The following ACCSL variants were observed in gnomAD, a reference collection of about 807,000 sequenced individuals.
The protein encoded by ACCSL is 1-aminocyclopropane-1-carboxylate synthase homolog (inactive) like, also known as probable inactive 1-aminocyclopropane-1-carboxylate synthase-like protein 2.
Under a neutral mutation model 61.7 loss-of-function variants are expected in ACCSL, and 55 were observed. The observed-to-expected ratio is 0.89, with a 90% CI of 0.72 to 1.12. The LOEUF is 1.12. Among genes scored for constraint, ACCSL ranks in the 50% most tolerant of loss-of-function variants. The probability of loss-of-function intolerance (pLI) is 0.00; values close to 1 mark genes in which losing one functional copy is unlikely to be tolerated. For synonymous variants in ACCSL, 258 were observed against 264.3 expected (o/e 0.98, Z 0.23); for missense variants, 632 against 698.0 (o/e 0.91, Z 1.07).
the ACCSL span, among the ~76,000 whole-genome samples, chr11:43,952,942 C>T: frequency 0.024 from 3,600 of 152,292 alleles, 148 homozygotes; most frequent in African/African-American, 0.083. Flanking sequence ...TCTGCCAGAG[C>T]GAGGTCCTCA....
At position 44,055,715 on chromosome 11, in the gene ACCSL, C is replaced by T. The variant is rs183221009; in HGVS notation, c.1140-325C>T. Among the ~76,000 whole-genome samples, 25 of 152,350 alleles carry T rather than the reference C, an allele frequency of 1.6e-4. No homozygotes were observed. The East Asian group carries it at 2.1e-3, about 13-fold the overall frequency. On this transcript the variant is annotated intron_variant, in intron 9 of 13. Coordinates refer to ENST00000378832, the MANE Select transcript of ACCSL (RefSeq NM_001031854.2). ...CAAAGGTGGAGCAGTAGGAAATACT[C>T]GGGCACGTTCTAGAAATTATGGTGA...
chr11:44,049,973 T>C, intron 1 of ACCSL, 89 bp from the exon 2 acceptor site: 1 of 1,557,396 alleles, frequency 6.4e-7, no homozygotes, highest in South Asian at 1.1e-5. Flanking sequence ...TCATAGGCAG[T>C]GAGATCTCCA....
intron 9 of ACCSL, 38 bp from the exon 10 acceptor site, chr11:44,056,002 C>T: frequency 6.2e-7 from 1 of 1,612,412 alleles, no homozygotes. Flanking sequence ...TCAACTATTT[C>T]TCTATAACCT....
intron 9 of ACCSL, among the ~76,000 whole-genome samples, 162 bp downstream of exon 9, chr11:44,055,453 T>G (rs1008740779): frequency 6.6e-6 from 1 of 152,244 alleles, no homozygotes; most frequent in African/African-American, 2.4e-5. Context: ...CCTCTAAATG[T>G]CTTCTAGTCT....
the ACCSL span, among the ~76,000 whole-genome samples, chr11:43,998,473 T>A: frequency 6.6e-6 from 1 of 152,164 alleles, no homozygotes; most frequent in African/African-American, 2.4e-5. Context: ...TTCTCCACAG[T>A]GGGCACAGCG....
the ACCSL span, among the ~76,000 whole-genome samples, chr11:43,961,798 C>T: frequency 1.3e-5 from 2 of 152,128 alleles, no homozygotes; most frequent in African/African-American, 2.4e-5. Flanking sequence ...AAGGCCGATT[C>T]ACACTTCAGC....
chr11:43,970,240 C>T, the ACCSL span, among the ~76,000 whole-genome samples: 1 of 152,278 alleles, frequency 6.6e-6, no homozygotes, highest in Non-Finnish European at 1.5e-5. Flanking sequence ...GGGTTTTGCT[C>T]TGTCTCTCAG....
At chr11:43,929,960 G>A in the ACCSL span, among the ~76,000 whole-genome samples, 2 of 152,238 alleles carry the variant, frequency 1.3e-5, no homozygotes, top group Non-Finnish European at 2.9e-5. Flanking sequence ...AGACTGAGGA[G>A]GAGGGTGGAA....
chr11:43,956,274 C>A, the ACCSL span, among the ~76,000 whole-genome samples: 1 of 152,046 alleles, frequency 6.6e-6, no homozygotes, highest in African/African-American at 2.4e-5. Flanking sequence ...TTGGTTTACA[C>A]CTCCACTTGC....
the ACCSL span, among the ~76,000 whole-genome samples, chr11:44,020,470 T>C: frequency 2.0e-5 from 3 of 152,222 alleles, no homozygotes; most frequent in Non-Finnish European, 4.4e-5. Flanking sequence ...TTTTCATAGA[T>C]GTCCTTTATT....
At chr11:43,983,048 T>G in the ACCSL span, among the ~76,000 whole-genome samples, 5 of 152,166 alleles carry the variant, frequency 3.3e-5, no homozygotes, top group Non-Finnish European at 5.9e-5. Context: ...GCTCTCTCTG[T>G]CTGGGGCACA....
the ACCSL span, among the ~76,000 whole-genome samples, chr11:44,009,399 G>A: frequency 6.6e-6 from 1 of 152,180 alleles, no homozygotes; most frequent in African/African-American, 2.4e-5. Flanking sequence ...AGAAGGATTA[G>A]CAGAGTTGGA....
chr11:44,053,165 G>GAATAA, intron 7 of ACCSL, 97 bp downstream of exon 7: 1 of 1,158,538 alleles, frequency 8.6e-7, no homozygotes, highest in Non-Finnish European at 1.3e-6. Flanking sequence ...AAGACCTGGT[G>GAATAA]GGCTGTCCTT....
the ACCSL span, among the ~76,000 whole-genome samples, chr11:44,010,990 T>C: frequency 6.6e-6 from 1 of 152,162 alleles, no homozygotes. Context: ...TCCAAATAAG[T>C]TAAAATATTG....
chr11:43,934,774 G>A, the ACCSL span, among the ~76,000 whole-genome samples: 1 of 152,116 alleles, frequency 6.6e-6, no homozygotes, highest in African/African-American at 2.4e-5. Flanking sequence ...CCCCAACCTG[G>A]TTCTTCCCAC....
At chr11:43,933,208 C>T in the ACCSL span, 405 of 455,728 alleles carry the variant, frequency 8.9e-4, 4 homozygotes, top group East Asian at 0.024. Context: ...GTAGGAGCAG[C>T]GAAACTTCTC....
the ACCSL span, among the ~76,000 whole-genome samples, chr11:43,956,814 A>G: frequency 6.6e-6 from 1 of 152,202 alleles, no homozygotes; most frequent in South Asian, 2.1e-4. Context: ...GCTTGAGGGC[A>G]TGCCTGGGAA....
the ACCSL span, among the ~76,000 whole-genome samples, chr11:43,994,291 G>C: frequency 2.0e-5 from 3 of 152,174 alleles, no homozygotes; most frequent in Non-Finnish European, 4.4e-5. Flanking sequence ...CTCACTGATA[G>C]TGCCACTGGA....
At chr11:44,012,592 T>G in the ACCSL span, among the ~76,000 whole-genome samples, 1 of 152,170 alleles carries the variant, frequency 6.6e-6, no homozygotes, top group African/African-American at 2.4e-5. Context: ...CAGCCTTGAT[T>G]AACTTTTTTC....
Sources: allele counts gnomAD v4.1 joint callset (sites outside exome capture counted in the v4.1 genomes callset), GRCh38; gene constraint gnomAD v4.1.1; transcripts MANE v1.5; gene names NCBI Gene and HGNC (gene_info 2026-07-23, HGNC 2026-07-21).